The following TNKS variants were observed in gnomAD, a reference collection of about 807,000 sequenced individuals.
The protein encoded by TNKS is poly [ADP-ribose] polymerase tankyrase-1.
In TNKS, 72 loss-of-function variants were observed where a neutral mutation model predicts 135.8. That is an observed-to-expected ratio of 0.53 (90% CI 0.44 to 0.64). TNKS has a LOEUF of 0.64. TNKS is among the 30% of genes least tolerant of loss of function. The pLI is 0.00. For synonymous variants in TNKS, 849 were observed against 649.3 expected, an observed-to-expected ratio of 1.31 and a Z score of -4.68; for missense variants, 1,769 against 1,674.0, an observed-to-expected ratio of 1.06 and a Z score of -0.99.
At chr8:9,666,874 G>A (rs1802022609) in intron 3 of TNKS, among the ~76,000 whole-genome samples, 1 of 152,154 alleles carries the variant, frequency 6.6e-6, no homozygotes, top group African/African-American at 2.4e-5. Flanking sequence ...GTCAAGAAGA[G>A]TAAAATTATG....
chr8:9,598,623 G>A (rs1245522977), intron 2 of TNKS, among the ~76,000 whole-genome samples: 7 of 151,164 alleles, frequency 4.6e-5, no homozygotes, highest in Admixed American at 3.3e-4. Context: ...CTGAGCCAGT[G>A]ATGCGGAGGT....
Position 9,580,195 on chromosome 8 carries a change from A to G in TNKS, c.710A>G (p.Gln237Arg), listed in dbSNP as rs146176881. Residue 237 changes from glutamine (Q) to arginine (R), a missense_variant, in exon 2 of 27, where the codon CAG (glutamine) becomes CGG (arginine). Physicochemically the swap from Gln to Arg is conservative, Grantham distance 43. Around this residue, in one of 5 missense-constraint regions of TNKS, gnomAD observed 523 missense variants for 541.0 expected, o/e 0.97. Coordinates refer to ENST00000310430, the MANE Select transcript of TNKS (RefSeq NM_003747.3). ...AAGGATGTTGTAGAACACTTACTAC[A>G]GATGGGTGCTAATGTCCACGCTCGT... is the stretch of plus-strand genomic sequence containing the variant. ...GRKDVVEHLLQMGANVHARDD... is the reference protein window; with the variant it reads ...GRKDVVEHLLRMGANVHARDD... The G allele has an allele frequency of 6.2e-7, 1 of 1,614,220 alleles. No individual in the cohort carries two copies.
chr8:9,560,660 G>A (rs1261523087), intron 1 of TNKS, among the ~76,000 whole-genome samples: 14 of 151,490 alleles, frequency 9.2e-5, no homozygotes, highest in South Asian at 2.1e-4. Flanking sequence ...TACACTTCTC[G>A]TTGCCTGGCA....
In TNKS at chr8:9,776,864, TAA is replaced by T; in HGVS notation, c.*130_*131del. ...CTAGAAATAAGCTGTTTGTCTTCTA[TAA>T]AGCATTGCTATAGTGATGAATAGTA... On this transcript the variant is annotated 3_prime_UTR_variant, in exon 27 of 27. Coordinates refer to ENST00000310430, the MANE Select transcript of TNKS (RefSeq NM_003747.3). The T allele has an allele frequency of 1.2e-6, 1 of 833,264 alleles. No individual in the cohort carries two copies. The highest frequency in any genetic ancestry group is 1.9e-6 in the Non-Finnish European group (1 of 523,484). The allele number at this position is 833,264 out of a possible 1,614,324, so 51.6% of individuals were successfully genotyped here. A position where few individuals can be genotyped will look rare whatever the true frequency, so the allele number is the denominator to read the frequency against.
chr8:9,623,231 A>T (rs1389007746), intron 3 of TNKS, among the ~76,000 whole-genome samples: 1 of 152,152 alleles, frequency 6.6e-6, no homozygotes, highest in Non-Finnish European at 1.5e-5. Flanking sequence ...TTCATTTGAA[A>T]CCTAAAACAA....
intron 3 of TNKS, among the ~76,000 whole-genome samples, chr8:9,667,708 T>C (rs1010704859): frequency 1.3e-5 from 2 of 152,194 alleles, no homozygotes; most frequent in Admixed American, 1.3e-4. Flanking sequence ...GATTTACTTC[T>C]TCAGCTGCAC....
chr8:9,706,808 C>T lies in TNKS; in HGVS notation c.1270-3C>T. 6.3e-7 allele frequency: 1 copy of T among 1,594,610 alleles called. No homozygotes were observed. Among genetic ancestry groups the T allele is most frequent in the Non-Finnish European group, 8.5e-7 (1 of 1,174,596 alleles). On this transcript the variant is annotated splice_polypyrimidine_tract_variant and splice_region_variant and intron_variant, in intron 7 of 26. Coordinates refer to ENST00000310430, the MANE Select transcript of TNKS (RefSeq NM_003747.3). ...ACCTAAAATGTTTTTTTTCTCAATT[C>T]AGCATGGAGCTTGTGTTAATGCCAT...
chr8:9,611,131 A>G (rs1268009967), intron 2 of TNKS, among the ~76,000 whole-genome samples: 1 of 152,200 alleles, frequency 6.6e-6, no homozygotes, highest in African/African-American at 2.4e-5. Context: ...CTGTCTTGTT[A>G]TGCCAGCTGC....
At chr8:9,732,187 A>C (rs1805478812) in intron 14 of TNKS, among the ~76,000 whole-genome samples, 2 of 152,222 alleles carry the variant, frequency 1.3e-5, no homozygotes, top group Admixed American at 1.3e-4. Flanking sequence ...ATCCATCCCA[A>C]AGACATCAGT....
intron 3 of TNKS, among the ~76,000 whole-genome samples, chr8:9,629,758 C>T (rs1470986980): frequency 6.6e-6 from 1 of 152,256 alleles, no homozygotes; most frequent in Non-Finnish European, 1.5e-5. Context: ...TCTCGGCTCA[C>T]TGCAACCTCC....
Position 9,751,711 on chromosome 8 carries a change from C to A in TNKS, c.2935C>A (p.Pro979Thr). Residue 979 changes from proline (P) to threonine (T), a missense_variant, in exon 19 of 27, where the codon CCA becomes ACA. Pro to Thr is a conservative substitution (Grantham distance 38, BLOSUM62 -1). Coordinates refer to ENST00000310430, the MANE Select transcript of TNKS (RefSeq NM_003747.3). ...TGTAGTGAGTGCCTCTCTGATCTCA[C>A]CAGCATCCACCCCCTCCTGCCTCTC... is the stretch of plus-strand genomic sequence containing the variant. The part of the protein sequence containing the change: ...ATVVSASLIS[P>T]ASTPSCLSAA... 2 of 1,614,184 alleles carry A rather than the reference C, an allele frequency of 1.2e-6. No individual in the cohort carries two copies. Among genetic ancestry groups the A allele is most frequent in the Non-Finnish European group, 8.5e-7 (1 of 1,180,032 alleles).
chr8:9,648,107 G>T (rs1407124971), intron 3 of TNKS, among the ~76,000 whole-genome samples: 1 of 152,186 alleles, frequency 6.6e-6, no homozygotes, highest in Non-Finnish European at 1.5e-5. Flanking sequence ...TTGACTCACT[G>T]GGTGAGTCCG....
At chr8:9,685,323 G>C (rs1802943650) in intron 5 of TNKS, among the ~76,000 whole-genome samples, 1 of 152,114 alleles carries the variant, frequency 6.6e-6, no homozygotes, top group African/African-American at 2.4e-5. Context: ...TATGGCTCTA[G>C]AGTTTTTAAT....
intron 20 of TNKS, among the ~76,000 whole-genome samples, chr8:9,754,074 A>C (rs899428553): frequency 6.6e-6 from 1 of 152,152 alleles, no homozygotes; most frequent in African/African-American, 2.4e-5. Context: ...ATTTGCATTG[A>C]ATTTGAGGCC....
intron 3 of TNKS, among the ~76,000 whole-genome samples, chr8:9,627,616 A>T (rs540875385): frequency 8.5e-4 from 129 of 152,296 alleles, no homozygotes; most frequent in African/African-American, 2.9e-3. Flanking sequence ...CTCCCCACAC[A>T]TTCAGTCACA....
chr8:9,772,309 C>A, intron 26 of TNKS: 1 of 448,082 alleles, frequency 2.2e-6, no homozygotes, highest in Non-Finnish European at 4.5e-6. Flanking sequence ...AATGCCTTGA[C>A]CAGATAATCA....
chr8:9,566,408 A>G (rs1797542423), intron 1 of TNKS: 1 of 152,108 alleles, frequency 6.6e-6, no homozygotes, highest in Non-Finnish European at 1.5e-5. Flanking sequence ...ATCCTATGTT[A>G]ATTTATGAAA....
intron 17 of TNKS, among the ~76,000 whole-genome samples, chr8:9,745,556 C>A (rs964388232): frequency 6.6e-6 from 1 of 152,026 alleles, no homozygotes; most frequent in South Asian, 2.1e-4. Flanking sequence ...AGGTGTGTGG[C>A]GCCACACCCA....
intron 20 of TNKS, among the ~76,000 whole-genome samples, chr8:9,755,314 C>T (rs1395092345): frequency 6.6e-6 from 1 of 152,068 alleles, no homozygotes; most frequent in Middle Eastern, 3.2e-3. Flanking sequence ...TCTTTTTTTA[C>T]TGCAGTTTCA....
Sources: allele counts gnomAD v4.1 joint callset (sites outside exome capture counted in the v4.1 genomes callset), GRCh38; gene constraint gnomAD v4.1.1; regional missense constraint gnomAD v4.1.1; transcripts MANE v1.5; gene names NCBI Gene and HGNC (gene_info 2026-07-23, HGNC 2026-07-21).